TIFA: variants seen among roughly 807,000 people sequenced by gnomAD.
TIFA encodes the protein TRAF-interacting protein with FHA domain-containing protein A.
For synonymous variants in TIFA, 75 were observed against 79.2 expected, an observed-to-expected ratio of 0.95 and a Z score of 0.28; for missense variants, 186 against 215.2, an observed-to-expected ratio of 0.86 and a Z score of 0.85.
At chr4:112,284,431 C>T (rs954090270) in intron 1 of TIFA, among the ~76,000 whole-genome samples, 2 of 152,260 alleles carry the variant, frequency 1.3e-5, no homozygotes, top group African/African-American at 2.4e-5. Context: ...GAAATATTTT[C>T]GCTACAAGGA....
intron 1 of TIFA, chr4:112,281,595 CCTGTCCCTACCAGTT>C (rs979465577): frequency 6.6e-6 from 1 of 152,182 alleles, no homozygotes; most frequent in Non-Finnish European, 1.5e-5. Flanking sequence ...TCCTTGCAGG[CCTGTCCCTACCAGTT>C]CTGCCCCTTT....
Position 112,277,965 on chromosome 4 carries a change from T to C in TIFA, c.452A>G (p.Glu151Gly), listed in dbSNP as rs1461589229. ...GGGCCTGTGTGGTGGCCAGTTGTTT[T>C]CTTGCAAGAGTGATCTTGGAGATAA... ...FILSPRSLLQ[E>G]NNWPPHRPIP... Residue 151 changes from glutamate (E) to glycine (G), a missense_variant, in exon 2 of 2, where the codon GAA becomes GGA. Glu to Gly is a moderately conservative substitution (Grantham distance 98, BLOSUM62 -2). Coordinates refer to ENST00000361717, the MANE Select transcript of TIFA (RefSeq NM_052864.3). 1 of 1,613,956 alleles carries C rather than the reference T, an allele frequency of 6.2e-7. No homozygotes were observed. The highest frequency in any genetic ancestry group is 8.5e-7 in the Non-Finnish European group (1 of 1,180,004).
chr4:112,277,675 A>ATTGTAGCCGT lies in TIFA; in HGVS notation c.*186_*187insACGGCTACAA. ...TTAAAATAATTTTGTGTAGATCCAG[A>ATTGTAGCCGT]ATACAACAGGTGACTAAGTTAATGA... On this transcript the variant is annotated 3_prime_UTR_variant, in exon 2 of 2. Transcript: ENST00000361717. The ATTGTAGCCGT allele has an allele frequency of 2.8e-6, 1 of 363,390 alleles. No homozygotes were observed. The highest frequency in any genetic ancestry group is 4.6e-6 in the Non-Finnish European group (1 of 217,564). 22.5% of individuals were successfully genotyped at this position (363,390 alleles called of 1,614,324 possible). A position where few individuals can be genotyped will look rare whatever the true frequency, so the allele number is the denominator to read the frequency against.
intron 1 of TIFA, among the ~76,000 whole-genome samples, chr4:112,282,751 T>C (rs9992994): frequency 0.62 from 94,150 of 152,060 alleles, 30,828 homozygotes; most frequent in African/African-American, 0.83. Flanking sequence ...CAGGAAGGTG[T>C]CAACTCAACT....
At chr4:112,280,320 CCTTT>C (rs1251681981) in intron 1 of TIFA, among the ~76,000 whole-genome samples, 4 of 148,558 alleles carry the variant, frequency 2.7e-5, no homozygotes, top group Non-Finnish European at 4.5e-5. Flanking sequence ...ATTTTCTTTC[CCTTT>C]CTATCTTGCT....
rs181789325 is a variant in TIFA at position 112,278,446 on chromosome 4, A to G, written c.-18-12T>C. 1.3e-6 allele frequency: 2 copies of G among 1,510,692 alleles called. No homozygotes were observed. The highest frequency in any genetic ancestry group is 4.6e-5 in the East Asian group (2 of 43,772). The allele number at this position is 1,510,692 out of a possible 1,614,324, so 93.6% of individuals were successfully genotyped here. A position where few individuals can be genotyped will look rare whatever the true frequency, so the allele number is the denominator to read the frequency against. On this transcript the variant is annotated splice_polypyrimidine_tract_variant and intron_variant, in intron 1 of 1. Coordinates refer to ENST00000361717, the MANE Select transcript of TIFA (RefSeq NM_052864.3). ...TGCACAAGGCCCACCTGCAATAATT[A>G]AATTACCATGTTAGTTTCTGCTTAT...
intron 1 of TIFA, among the ~76,000 whole-genome samples, chr4:112,279,089 A>C (rs2110505737): frequency 6.6e-6 from 1 of 152,370 alleles, no homozygotes; most frequent in South Asian, 2.1e-4. Context: ...TAAGAATATA[A>C]GTCTCCATGA....
Position 112,279,572 on chromosome 4 carries a change from TCACA to T in TIFA, c.-18-1142_-18-1139del, listed in dbSNP as rs929215027. Among the ~76,000 whole-genome samples the T allele has an allele frequency of 2.5e-4, 38 of 152,214 alleles. 1 individual carries two copies. Among genetic ancestry groups the T allele is most frequent in the African/African-American group, 7.0e-4 (29 of 41,538 alleles). ...CCAGCATAACTATATGTGTGCACTC[TCACA>T]CACACAAACACACATACGAGCACAT... On this transcript the variant is annotated intron_variant, in intron 1 of 1. Coordinates refer to ENST00000361717, the MANE Select transcript of TIFA (RefSeq NM_052864.3).
chr4:112,284,225 G>A (rs914771564), intron 1 of TIFA, among the ~76,000 whole-genome samples: 1 of 151,900 alleles, frequency 6.6e-6, no homozygotes, highest in African/African-American at 2.4e-5. Flanking sequence ...AAAGAAGAAT[G>A]GATACGTGTA....
chr4:112,276,637 G>C lies in TIFA; in HGVS notation c.*1225C>G, dbSNP rs867529154. ...ATAGTCCCAGGGCTGGGGAGTCGGG[G>C]TTAGGGTGCTGGACATCACATACTA... On this transcript the variant is annotated 3_prime_UTR_variant, in exon 2 of 2. Transcript: ENST00000361717. 6.6e-6 allele frequency: 1 copy of C among 152,222 alleles called. No individual in the cohort carries two copies. Among genetic ancestry groups the C allele is most frequent in the Non-Finnish European group, 1.5e-5 (1 of 68,060 alleles). The allele number at this position is 152,222 out of a possible 1,614,324, so 9.4% of individuals were successfully genotyped here. A position where few individuals can be genotyped will look rare whatever the true frequency, so the allele number is the denominator to read the frequency against.
In TIFA at chr4:112,277,687, G is replaced by GGTCGCCGTAT; in HGVS notation, c.*174_*175insATACGGCGAC. 4 of 441,770 alleles carry GGTCGCCGTAT rather than the reference G, an allele frequency of 9.1e-6. No individual in the cohort carries two copies. Among genetic ancestry groups the GGTCGCCGTAT allele is most frequent in the South Asian group, 6.7e-5 (1 of 14,882 alleles). 27.4% of individuals were successfully genotyped at this position (441,770 alleles called of 1,614,324 possible). Reference sequence around the variant, plus strand: ...TGTGTAGATCCAGAATACAACAGGTGACTAAGTTAATGACTAACACAATTT... The same window carrying GGTCGCCGTAT: ...TGTGTAGATCCAGAATACAACAGGTGGTCGCCGTATACTAAGTTAATGACTAACACAATTT... On this transcript the variant is annotated 3_prime_UTR_variant, in exon 2 of 2. Coordinates refer to ENST00000361717, the MANE Select transcript of TIFA (RefSeq NM_052864.3).
rs1727101856 is a variant in TIFA, at chr4:112,275,883, G to A, written c.*1979C>T. The A allele has an allele frequency of 6.6e-6, 1 of 152,124 alleles. No homozygotes were observed. Among genetic ancestry groups the A allele is most frequent in the African/African-American group, 2.4e-5 (1 of 41,430 alleles). The allele number at this position is 152,124 out of a possible 1,614,324, so 9.4% of individuals were successfully genotyped here. ...AATGTGACAGTATACACACATTAAA[G>A]TATATACACTTCACTCATAGAACGC... On this transcript the variant is annotated 3_prime_UTR_variant, in exon 2 of 2. Coordinates refer to ENST00000361717, the MANE Select transcript of TIFA (RefSeq NM_052864.3).
In TIFA at chr4:112,278,322, T is replaced by A; in HGVS notation, c.95A>T (p.Gln32Leu). ...TTTCTCTCTGTTAAAACTTATTGAC[T>A]GAAATATTCCACACTGCAACTGGCC... ...HPGQLQCGIF[Q>L]SISFNREKLP... The change falls in exon 2 of 2, where the codon CAG becomes CTG. Residue 32 changes from glutamine to leucine, a missense_variant. Coordinates refer to ENST00000361717, the MANE Select transcript of TIFA (RefSeq NM_052864.3). The A allele has an allele frequency of 6.2e-7, 1 of 1,613,846 alleles. No individual in the cohort carries two copies. Among genetic ancestry groups the A allele is most frequent in the South Asian group, 1.1e-5 (1 of 91,012 alleles).
chr4:112,280,611 A>G (rs1174947583), intron 1 of TIFA, among the ~76,000 whole-genome samples: 1 of 152,068 alleles, frequency 6.6e-6, no homozygotes, highest in Non-Finnish European at 1.5e-5. Context: ...TCGGTCTCTC[A>G]AAGTGCTAGG....
At position 112,278,342 on chromosome 4, in the gene TIFA, C is replaced by G. The variant is rs772627267; in HGVS notation, c.75G>C (p.Gln25His). 6.2e-7 allele frequency: 1 copy of G among 1,612,588 alleles called. No individual in the cohort carries two copies. The highest frequency in any genetic ancestry group is 1.1e-5 in the South Asian group (1 of 90,774). Residue 25 changes from glutamine to histidine, a missense_variant, in exon 2 of 2, where the codon CAG becomes CAC. Transcript: ENST00000361717. Reference protein sequence around the residue: ...CLQMTVYHPGQLQCGIFQSIS... With the variant: ...CLQMTVYHPGHLQCGIFQSIS... ...TTGACTGAAATATTCCACACTGCAA[C>G]TGGCCAGGATGGTAAACCGTCATCT...
chr4:112,280,064 CTG>C (rs1486534846), intron 1 of TIFA, among the ~76,000 whole-genome samples: 2 of 152,184 alleles, frequency 1.3e-5, no homozygotes, highest in African/African-American at 4.8e-5. Context: ...AATTCTGTAA[CTG>C]TAGCACGGCG....
rs1727106314 is a variant in TIFA, at chr4:112,276,029, G to A, written c.*1833C>T. 1 of 152,166 alleles carries A rather than the reference G, an allele frequency of 6.6e-6. No individual in the cohort carries two copies. The highest frequency in any genetic ancestry group is 2.1e-4 in the South Asian group (1 of 4,822). 9.4% of individuals were successfully genotyped at this position (152,166 alleles called of 1,614,324 possible). A position where few individuals can be genotyped will look rare whatever the true frequency, so the allele number is the denominator to read the frequency against. ...ATAGTAGATAACCTTATATTAAAGG[G>A]AGTATATTAGTTTTCTATCTGCTGC... On this transcript the variant is annotated 3_prime_UTR_variant, in exon 2 of 2. Coordinates refer to ENST00000361717, the MANE Select transcript of TIFA (RefSeq NM_052864.3).
At chr4:112,278,972 T>G (rs191231452) in intron 1 of TIFA, among the ~76,000 whole-genome samples, 2 of 152,354 alleles carry the variant, frequency 1.3e-5, no homozygotes, top group Admixed American at 6.5e-5. Flanking sequence ...ATTGTAACAT[T>G]TATCCTTTAT....
In TIFA at chr4:112,284,573, A is replaced by C. The variant is rs116597985; in HGVS notation, c.-19+1067T>G. Among the ~76,000 whole-genome samples the C allele has an allele frequency of 5.2e-3, 797 of 152,242 alleles. 12 individuals carry two copies. Among genetic ancestry groups the C allele is most frequent in the African/African-American group, 0.018 (752 of 41,528 alleles). On this transcript the variant is annotated intron_variant, in intron 1 of 1. Coordinates refer to ENST00000361717, the MANE Select transcript of TIFA (RefSeq NM_052864.3). ...ACCAAACTAATGGGGTCTGCTCTGGATGGTGAAAATGTTTACTTTCATTTC... is the reference window on the plus strand; with the variant it reads ...ACCAAACTAATGGGGTCTGCTCTGGCTGGTGAAAATGTTTACTTTCATTTC...
Sources: gnomAD v4.1 joint callset for allele counts (sites outside exome capture counted in the v4.1 genomes callset) on GRCh38, gnomAD v4.1.1 for gene constraint, MANE v1.5 for transcripts, NCBI Gene and HGNC (gene_info 2026-07-23, HGNC 2026-07-21) for gene names.